Variants in F8 observed in about 807,000 individuals in gnomAD.
F8 encodes coagulation factor VIII, also known as antihemophilic factor.
A neutral mutation model predicts 140.6 loss-of-function variants in F8; 12 were observed. The observed-to-expected ratio is 0.09, with a 90% CI of 0.05 to 0.14. The LOEUF is 0.14. F8 is among the 10% of genes least tolerant of loss of function. The pLI is 1.00. For missense variants in F8, 1,354 were observed against 1,720.7 expected, an observed-to-expected ratio of 0.79 and a Z score of 3.77; for synonymous variants, 585 against 614.6, an observed-to-expected ratio of 0.95 and a Z score of 0.71.
chrX:154,924,072 T>C (rs2073147123), intron 14 of F8, among the ~76,000 whole-genome samples: 1 of 112,558 alleles, frequency 8.9e-6, no homozygotes, highest in African/African-American at 3.2e-5. Context: ...CCTTCTGCCA[T>C]GATTTTGAGG....
At chrX:154,839,528 C>A (rs1358977463) in intron 25 of F8, among the ~76,000 whole-genome samples, 14 of 109,623 alleles carry the variant, frequency 1.3e-4, no homozygotes, top group Non-Finnish European at 1.5e-4. Context: ...ATGCCCGGCT[C>A]ATTTTTTGTA....
At chrX:155,017,511 A>G (rs782445730) in intron 1 of F8, among the ~76,000 whole-genome samples, 2 of 113,028 alleles carry the variant, frequency 1.8e-5, no homozygotes, top group African/African-American at 6.4e-5. Context: ...CGTCTAGATT[A>G]TCAAAGATGA....
rs375493372 is a variant in F8 at position 154,897,487 on chromosome X, G to A, written c.6274-1255C>T. ...GAGAAATAGACCTTATATCATATAT[G>A]TTTTTATTTGTTTATAGCATCAAGT... On this transcript the variant is annotated intron_variant, in intron 21 of 25. Coordinates refer to ENST00000360256, the MANE Select transcript of F8 (RefSeq NM_000132.4). 1.1e-3 allele frequency: 121 copies of A among 112,304 alleles called. 6 individuals are homozygous for A. Among genetic ancestry groups the A allele is most frequent in the African/African-American group, 9.7e-5 (3 of 30,920 alleles). The allele number at this position is 112,304 out of a possible 1,213,427, so 9.3% of individuals were successfully genotyped here.
intron 2 of F8, among the ~76,000 whole-genome samples, chrX:154,998,200 A>G (rs17051888): frequency 0.041 from 4,614 of 112,683 alleles, 226 homozygotes; most frequent in African/African-American, 0.14. Context: ...GTCTAATACC[A>G]AATTTTTGAT....
At chrX:154,921,197 C>A (rs2073128140) in intron 14 of F8, among the ~76,000 whole-genome samples, 1 of 111,950 alleles carries the variant, frequency 8.9e-6, no homozygotes, top group Admixed American at 9.5e-5. Flanking sequence ...TCTGAGAAAT[C>A]CACTAATAAT....
chrX:154,916,475 T>G (rs1051409431), intron 14 of F8, among the ~76,000 whole-genome samples: 6 of 112,030 alleles, frequency 5.4e-5, no homozygotes, highest in Non-Finnish European at 7.5e-5. Flanking sequence ...TCAATCTCAT[T>G]ACTAGTTATT....
At chrX:155,001,312 C>CTTTTTTT in intron 1 of F8, among the ~76,000 whole-genome samples, 1 of 75,957 alleles carries the variant, frequency 1.3e-5, no homozygotes, top group Non-Finnish European at 2.4e-5. Context: ...TATCGTAAAT[C>CTTTTTTT]TTTTTTTTTT....
At chrX:154,926,678 G>T (rs1169220320) in intron 14 of F8, among the ~76,000 whole-genome samples, 1 of 111,923 alleles carries the variant, frequency 8.9e-6, no homozygotes, top group African/African-American at 3.3e-5. Context: ...GCCCGGCCAG[G>T]AATGGTTTTT....
Position 154,928,705 on chromosome X carries a change from A to G in F8, c.5085T>C (p.Asp1695=), listed in dbSNP as rs1557278275. 1 of 1,209,659 alleles carries G rather than the reference A, an allele frequency of 8.3e-7. No homozygotes were observed. Among genetic ancestry groups the G allele is most frequent in the Non-Finnish European group, 1.1e-6 (1 of 894,755 alleles). ...DTISVEMKKE[D]FDIYDEDENQ... ...TTTCATCCTCATCATAAATGTCAAA[A>G]TCTTCCTTCTTCATTTCAACTGATA... Residue 1695 remains aspartate, a synonymous_variant, in exon 14 of 26, where the codon GAT becomes GAC. Coordinates refer to ENST00000360256, the MANE Select transcript of F8 (RefSeq NM_000132.4).
intron 1 of F8, among the ~76,000 whole-genome samples, chrX:155,012,972 C>G (rs1319012443): frequency 4.6e-5 from 5 of 108,047 alleles, no homozygotes; most frequent in Admixed American, 9.9e-5. Flanking sequence ...CGGTGAAACC[C>G]CGTCTCTACT....
intron 6 of F8, among the ~76,000 whole-genome samples, chrX:154,981,268 G>A (rs900830432): frequency 1.8e-5 from 2 of 110,920 alleles, no homozygotes; most frequent in Non-Finnish European, 3.8e-5. Context: ...TTGCTCATGG[G>A]TTCAGGTTTT....
chrX:154,839,943 C>T (rs898492194), intron 25 of F8, among the ~76,000 whole-genome samples: 3 of 111,561 alleles, frequency 2.7e-5, no homozygotes, highest in Non-Finnish European at 5.7e-5. Flanking sequence ...CATTAAGGTC[C>T]CTGTTCTGAG....
At chrX:154,868,041 C>A (rs1295988246) in intron 22 of F8, among the ~76,000 whole-genome samples, 3 of 112,105 alleles carry the variant, frequency 2.7e-5, no homozygotes, top group East Asian at 2.8e-4. Flanking sequence ...GAACTTAACA[C>A]AATAAAGACC....
rs782107331 is a variant in F8 at position 154,939,375 on chromosome X, AC to A, written c.2114-7700del. Among the ~76,000 whole-genome samples the A allele has an allele frequency of 2.2e-3, 247 of 112,767 alleles. 1 individual carries two copies. Among genetic ancestry groups the A allele is most frequent in the Middle Eastern group, 4.6e-3 (1 of 217 alleles). ...GGCACACCAGGAGATTATATCCTGC[AC>A]CTGGCTCAGAGGGTCCTACGCCCAT... On this transcript the variant is annotated intron_variant, in intron 13 of 25. Coordinates refer to ENST00000360256, the MANE Select transcript of F8 (RefSeq NM_000132.4).
chrX:154,902,468 C>A (rs1557276032), intron 18 of F8, among the ~76,000 whole-genome samples: 2 of 111,398 alleles, frequency 1.8e-5, no homozygotes. Flanking sequence ...TCTTTCTGAG[C>A]AAAAGGTGTG....
chrX:154,932,101 A>G (rs192630186), intron 13 of F8, among the ~76,000 whole-genome samples: 92 of 112,333 alleles, frequency 8.2e-4, no homozygotes, highest in African/African-American at 2.9e-3. Flanking sequence ...TTCAAATCCC[A>G]GTTCTACCAT....
chrX:154,876,820 C>T (rs1183029470), intron 22 of F8, among the ~76,000 whole-genome samples: 2 of 111,172 alleles, frequency 1.8e-5, no homozygotes, highest in Non-Finnish European at 3.8e-5. Context: ...CTACCTCCTG[C>T]GTAAGTGGGT....
At chrX:154,949,512 C>T (rs2073325694) in intron 12 of F8, among the ~76,000 whole-genome samples, 2 of 112,279 alleles carry the variant, frequency 1.8e-5, no homozygotes. Flanking sequence ...TGACACTCCA[C>T]ATGGATTAAA....
chrX:154,969,976 T>G (rs1273129810), intron 6 of F8, among the ~76,000 whole-genome samples: 10 of 111,941 alleles, frequency 8.9e-5, no homozygotes, highest in Non-Finnish European at 1.9e-4. Flanking sequence ...AAAACCCACA[T>G]GTTCAAAACC....
Sources: allele counts gnomAD v4.1 joint callset (sites outside exome capture counted in the v4.1 genomes callset), GRCh38; gene constraint gnomAD v4.1.1; transcripts MANE v1.5; gene names NCBI Gene and HGNC (gene_info 2026-07-23, HGNC 2026-07-21).